The following ANO1 variants were observed in gnomAD, a reference collection of about 807,000 sequenced individuals.
ANO1 encodes anoctamin-1.
A neutral mutation model predicts 124.0 loss-of-function variants in ANO1; 59 were observed. That is an observed-to-expected ratio of 0.48 (90% CI 0.39 to 0.59). ANO1 has a LOEUF of 0.59. Ranked by LOEUF, ANO1 falls within the 20% of genes least tolerant of loss-of-function variation. The probability of loss-of-function intolerance (pLI) is 0.00; values close to 1 mark genes in which losing one functional copy is unlikely to be tolerated. For missense variants in ANO1, 1,059 were observed against 1,328.0 expected, an observed-to-expected ratio of 0.80 and a Z score of 3.15; for synonymous variants, 529 against 532.0, an observed-to-expected ratio of 0.99 and a Z score of 0.08.
At position 70,173,972 on chromosome 11, in the gene ANO1, G is replaced by A. The variant is rs534381741; in HGVS notation, c.2350+2933G>A. 1.8e-3 allele frequency among the ~76,000 whole-genome samples: 270 copies of A among 150,482 alleles called. 2 individuals carry two copies. The highest frequency in any genetic ancestry group is 6.4e-3 in the African/African-American group (263 of 40,932). ...TTTTTTTGAGATGGGGTCTCACTCT[G>A]TTGCCCAGGCTGGAGTGCAGTGGCA... is the stretch of plus-strand genomic sequence containing the variant. On this transcript the variant is annotated intron_variant, in intron 22 of 25. Coordinates refer to ENST00000355303, the MANE Select transcript of ANO1 (RefSeq NM_018043.7).
intron 10 of ANO1, among the ~76,000 whole-genome samples, chr11:70,126,811 C>T (rs1384748100): frequency 1.3e-5 from 2 of 149,664 alleles, no homozygotes; most frequent in Non-Finnish European, 3.0e-5. Context: ...CTAGAGGCCT[C>T]GGTACAGGCT....
chr11:69,984,963 G>A (rs1333989585), upstream of ANO1, among the ~76,000 whole-genome samples: 6 of 152,244 alleles, frequency 3.9e-5, no homozygotes, highest in African/African-American at 1.2e-4. Context: ...GAGATGTCAG[G>A]GGTGTGAGGT....
rs1329610567 is a variant in ANO1 at position 70,167,341 on chromosome 11, C to T, written c.2151C>T (p.Tyr717=). The part of the protein sequence containing the change: ...VKRKQRYEVD[Y]NLEPFAGLTP... ...GGAAACAGCGGTACGAGGTGGATTACAACCTGGAGCCCTTCGCGGGCCTCA... is the reference window on the plus strand; with the variant it reads ...GGAAACAGCGGTACGAGGTGGATTATAACCTGGAGCCCTTCGCGGGCCTCA... The change falls in exon 21 of 26, where the codon TAC becomes TAT. Residue 717 remains tyrosine (Y), a synonymous_variant. Coordinates refer to ENST00000355303, the MANE Select transcript of ANO1 (RefSeq NM_018043.7). The T allele has an allele frequency of 6.2e-7, 1 of 1,613,656 alleles. No homozygotes were observed. The highest frequency in any genetic ancestry group is 8.5e-7 in the Non-Finnish European group (1 of 1,179,782).
intron 1 of ANO1, among the ~76,000 whole-genome samples, chr11:70,006,312 G>A (rs1183936276): frequency 2.6e-5 from 4 of 152,118 alleles, no homozygotes; most frequent in Non-Finnish European, 5.9e-5. Flanking sequence ...CTCCCATCAT[G>A]ACATTTTATC....
intron 20 of ANO1, 50 bp from the exon 21 acceptor site, chr11:70,167,192 C>A: frequency 6.2e-7 from 1 of 1,600,980 alleles, no homozygotes; most frequent in Non-Finnish European, 8.5e-7. Context: ...GACCCAAGCC[C>A]CCAAATTCAC....
intron 1 of ANO1, among the ~76,000 whole-genome samples, chr11:70,021,301 A>G (rs1174319459): frequency 3.9e-5 from 6 of 152,296 alleles, no homozygotes; most frequent in Admixed American, 2.6e-4. Context: ...CCAAATGCCA[A>G]CGTGCTCACT....
In ANO1 at chr11:70,180,056, TGTAA is replaced by T; in HGVS notation, c.2403+3_2403+6del. On this transcript the variant is annotated splice_donor_variant and splice_donor_region_variant and intron_variant, in intron 23 of 25. Coordinates refer to ENST00000355303, the MANE Select transcript of ANO1 (RefSeq NM_018043.7). LOFTEE classifies it high-confidence loss of function. The stretch of plus-strand genomic sequence containing the variant: ...TTGGGAAGCTTGCTGTCATCATCAA[TGTAA>T]GTGACATCAGGGACCTTGGCAGAAT... 1 of 1,612,312 alleles carries T rather than the reference TGTAA, an allele frequency of 6.2e-7. No homozygotes were observed. The highest frequency in any genetic ancestry group is 8.5e-7 in the Non-Finnish European group (1 of 1,178,456).
At chr11:70,043,524 G>A (rs1378499709) in intron 1 of ANO1, among the ~76,000 whole-genome samples, 7 of 152,044 alleles carry the variant, frequency 4.6e-5, no homozygotes, top group Admixed American at 3.3e-4. Context: ...AACACACCAA[G>A]GCACATTATA....
the ANO1 span, among the ~76,000 whole-genome samples, chr11:69,966,292 T>C: frequency 9.5e-4 from 144 of 152,308 alleles, 1 homozygote; most frequent in African/African-American, 3.3e-3. Context: ...CCCATGACCA[T>C]GGGCGTGGCT....
At chr11:70,038,380 T>C (rs1300272164) in intron 1 of ANO1, among the ~76,000 whole-genome samples, 4 of 152,206 alleles carry the variant, frequency 2.6e-5, no homozygotes, top group Non-Finnish European at 5.9e-5. Context: ...AATGGAAATG[T>C]GACACAGCCA....
chr11:70,122,716 CCTCTCTCCTTCTCTGTCTCTCCATCTGT>C (rs1358368670), intron 8 of ANO1, among the ~76,000 whole-genome samples: 4 of 150,922 alleles, frequency 2.7e-5, no homozygotes, highest in Non-Finnish European at 5.9e-5. Flanking sequence ...TCTCTCGCTG[CCTCTCTCCTTCTCTGTCTCTCCATCTGT>C]CTCTGTCTCC....
At chr11:70,149,480 G>C in intron 11 of ANO1, 1 of 481,438 alleles carries the variant, frequency 2.1e-6, no homozygotes, top group East Asian at 4.0e-5. Context: ...GTGAAACCCT[G>C]TCTCTACTAA....
At chr11:70,136,829 T>C (rs927898073) in intron 11 of ANO1, among the ~76,000 whole-genome samples, 1 of 147,806 alleles carries the variant, frequency 6.8e-6, no homozygotes, top group African/African-American at 2.4e-5. Flanking sequence ...TGCAGTTGTT[T>C]CTCTTCGTGG....
At chr11:69,990,580 T>C (rs1330249681) in intron 1 of ANO1, among the ~76,000 whole-genome samples, 1 of 152,244 alleles carries the variant, frequency 6.6e-6, no homozygotes, top group Non-Finnish European at 1.5e-5. Flanking sequence ...TTTTACACAA[T>C]GGCTGCACCA....
intron 1 of ANO1, among the ~76,000 whole-genome samples, chr11:70,002,318 G>A (rs1241215103): frequency 1.3e-5 from 2 of 151,698 alleles, no homozygotes; most frequent in African/African-American, 4.8e-5. Flanking sequence ...ACAAAAATTA[G>A]CCAGGCATGG....
the ANO1 span, among the ~76,000 whole-genome samples, chr11:69,977,933 G>T: frequency 1.3e-5 from 2 of 152,170 alleles, no homozygotes; most frequent in African/African-American, 4.8e-5. Context: ...CTCTCTTGAG[G>T]GGCTGTCATT....
At chr11:70,085,578 G>A in intron 1 of ANO1, 1 of 1,535,922 alleles carries the variant, frequency 6.5e-7, no homozygotes, top group Non-Finnish European at 8.7e-7. Flanking sequence ...GCATCCTAGG[G>A]CCAGAGAGGC....
chr11:70,109,612 G>A lies in ANO1; in HGVS notation c.799+1208G>A, dbSNP rs149382325. 2.2e-4 allele frequency among the ~76,000 whole-genome samples: 34 copies of A among 152,338 alleles called. No homozygotes were observed. The East Asian group carries it at 6.2e-3, about 28-fold the overall frequency. ...TTTGAAATTGCTCCTCTAGGTCACC[G>A]CTGCCAGGGCACAGCCTTGGAAAGG... On this transcript the variant is annotated intron_variant, in intron 6 of 25. Coordinates refer to ENST00000355303, the MANE Select transcript of ANO1 (RefSeq NM_018043.7).
At chr11:70,057,629 A>C (rs1857471476) in intron 1 of ANO1, among the ~76,000 whole-genome samples, 1 of 152,178 alleles carries the variant, frequency 6.6e-6, no homozygotes, top group Admixed American at 6.5e-5. Flanking sequence ...CAGGGGTCAC[A>C]AGGTGCTCAG....
Sources: allele counts gnomAD v4.1 joint callset (sites outside exome capture counted in the v4.1 genomes callset), GRCh38; gene constraint gnomAD v4.1.1; transcripts MANE v1.5; gene names NCBI Gene and HGNC (gene_info 2026-07-23, HGNC 2026-07-21).